Variants in SLC13A4 observed in about 807,000 individuals in gnomAD.
SLC13A4 encodes the protein solute carrier family 13 member 4.
A neutral mutation model predicts 72.7 loss-of-function variants in SLC13A4; 28 were observed. That is an observed-to-expected ratio of 0.39 (90% CI 0.29 to 0.53). SLC13A4 has a LOEUF of 0.53. SLC13A4 is among the 20% of genes least tolerant of loss of function. The probability of loss-of-function intolerance (pLI) is 0.78; values close to 1 mark genes in which losing one functional copy is unlikely to be tolerated. For missense variants in SLC13A4, 653 were observed against 788.0 expected (o/e 0.83, Z 2.05); for synonymous variants, 312 against 325.5 (o/e 0.96, Z 0.45).
At chr7:135,692,045 A>T (rs1035696931) in intron 11 of SLC13A4, 3 of 474,518 alleles carry the variant, frequency 6.3e-6, no homozygotes, top group Non-Finnish European at 1.1e-5. Flanking sequence ...TACTTTATAG[A>T]TGTTTCCTCC....
At chr7:135,697,390 G>C (rs1795926383) in intron 8 of SLC13A4, among the ~76,000 whole-genome samples, 1 of 152,192 alleles carries the variant, frequency 6.6e-6, no homozygotes, top group African/African-American at 2.4e-5. Flanking sequence ...CTGAGAGGCA[G>C]ACACGGCCTT....
chr7:135,725,014 A>G (rs917746481), intron 1 of SLC13A4, among the ~76,000 whole-genome samples: 1 of 152,350 alleles, frequency 6.6e-6, no homozygotes, highest in East Asian at 1.9e-4. Flanking sequence ...GGTCTCGCTC[A>G]TCTTCTGGAG....
intron 13 of SLC13A4, among the ~76,000 whole-genome samples, chr7:135,690,995 T>A (rs145340397): frequency 1.3e-5 from 2 of 152,002 alleles, no homozygotes; most frequent in South Asian, 4.2e-4. Context: ...TGAAACCGCG[T>A]CTCTACTAAA....
chr7:135,723,728 A>G (rs1401965956), intron 1 of SLC13A4, among the ~76,000 whole-genome samples: 1 of 152,196 alleles, frequency 6.6e-6, no homozygotes, highest in Non-Finnish European at 1.5e-5. Flanking sequence ...TGATTAAATC[A>G]GCTGGGCTGG....
chr7:135,722,459 A>G (rs1232601749), intron 1 of SLC13A4, among the ~76,000 whole-genome samples: 4 of 152,146 alleles, frequency 2.6e-5, no homozygotes, highest in Non-Finnish European at 4.4e-5. Context: ...AGCCCTGGGC[A>G]TCTGGGGTGT....
At chr7:135,708,036 G>T in intron 3 of SLC13A4, 78 bp downstream of exon 3, 1 of 1,546,800 alleles carries the variant, frequency 6.5e-7, no homozygotes, top group Non-Finnish European at 8.8e-7. Flanking sequence ...ATCCCGCAGT[G>T]ACCTGAGACC....
chr7:135,724,930 A>G (rs749873175), intron 1 of SLC13A4, among the ~76,000 whole-genome samples: 7 of 152,202 alleles, frequency 4.6e-5, no homozygotes, highest in Non-Finnish European at 7.3e-5. Context: ...GATGTCCCCA[A>G]CGCCTATCCC....
At chr7:135,705,785 G>C in intron 4 of SLC13A4, 135 bp from the exon 5 acceptor site, 1 of 754,912 alleles carries the variant, frequency 1.3e-6, no homozygotes, top group Non-Finnish European at 2.3e-6. Flanking sequence ...CCTTTGCTCT[G>C]TAAATAGAAT....
chr7:135,711,574 CT>C (rs1224376781), intron 2 of SLC13A4, among the ~76,000 whole-genome samples: 1 of 152,170 alleles, frequency 6.6e-6, no homozygotes, highest in East Asian at 1.9e-4. Context: ...TAGGGAGCAT[CT>C]CCCAGGTCAC....
intron 14 of SLC13A4, among the ~76,000 whole-genome samples, chr7:135,684,883 T>G (rs1377694397): frequency 2.0e-5 from 3 of 152,172 alleles, no homozygotes; most frequent in Non-Finnish European, 1.5e-5. Flanking sequence ...TCCTGGATTC[T>G]GCCTCCCAGA....
chr7:135,722,846 G>A (rs1392825523), intron 1 of SLC13A4, among the ~76,000 whole-genome samples: 4 of 152,126 alleles, frequency 2.6e-5, no homozygotes, highest in Non-Finnish European at 5.9e-5. Context: ...CCCTGGGAGA[G>A]GGAAGGGAAG....
intron 3 of SLC13A4, 110 bp downstream of exon 3, chr7:135,708,004 T>G: frequency 7.1e-7 from 1 of 1,400,910 alleles, no homozygotes; most frequent in Non-Finnish European, 9.8e-7. Flanking sequence ...GACCCTTTGG[T>G]AAAAAAACAG....
chr7:135,721,624 C>G, intron 1 of SLC13A4, 101 bp from the exon 2 acceptor site: 1 of 1,477,042 alleles, frequency 6.8e-7, no homozygotes, highest in Non-Finnish European at 9.2e-7. Flanking sequence ...CAGACTGTAA[C>G]GCGGGTACTA....
chr7:135,713,783 G>A (rs950087068), intron 2 of SLC13A4, among the ~76,000 whole-genome samples: 2 of 152,166 alleles, frequency 1.3e-5, no homozygotes, highest in African/African-American at 4.8e-5. Flanking sequence ...CGCCATGTTG[G>A]CCAGGCTGGT....
intron 8 of SLC13A4, among the ~76,000 whole-genome samples, chr7:135,696,629 G>A (rs1365729158): frequency 1.3e-5 from 2 of 152,022 alleles, no homozygotes; most frequent in African/African-American, 2.4e-5. Flanking sequence ...CTGGGATTAC[G>A]GGCATGAGCC....
intron 2 of SLC13A4, among the ~76,000 whole-genome samples, chr7:135,714,900 C>G (rs573715447): frequency 4.6e-5 from 7 of 152,230 alleles, no homozygotes; most frequent in Non-Finnish European, 1.0e-4. Context: ...TGAGTGACAC[C>G]AGCCCGAGGC....
intron 8 of SLC13A4, 47 bp downstream of exon 8, chr7:135,699,317 A>C (rs755876001): frequency 1.6e-5 from 24 of 1,528,536 alleles, no homozygotes; most frequent in Non-Finnish European, 1.5e-5. Context: ...AGTTCCTGAC[A>C]CACAGTGGTG....
chr7:135,703,699 C>T, intron 5 of SLC13A4: 1 of 152,368 alleles, frequency 6.6e-6, no homozygotes, highest in Non-Finnish European at 1.5e-5. Context: ...TGGGAGCCAC[C>T]AGCTCAGCCA....
At chr7:135,723,515 A>C (rs1282498751) in intron 1 of SLC13A4, among the ~76,000 whole-genome samples, 1 of 152,184 alleles carries the variant, frequency 6.6e-6, no homozygotes, top group Non-Finnish European at 1.5e-5. Flanking sequence ...CATTTATAGA[A>C]AATCCAAGTT....
Sources: allele counts gnomAD v4.1 joint callset (sites outside exome capture counted in the v4.1 genomes callset), GRCh38; gene constraint gnomAD v4.1.1; transcripts MANE v1.5; gene names NCBI Gene and HGNC (gene_info 2026-07-23, HGNC 2026-07-21).